The following PALLD variants were observed in gnomAD, a reference collection of about 807,000 sequenced individuals.
The protein encoded by PALLD is palladin, cytoskeletal associated protein, also known as palladin.
A neutral mutation model predicts 123.5 loss-of-function variants in PALLD; 61 were observed. That is an observed-to-expected ratio of 0.49 (90% CI 0.40 to 0.61). The LOEUF (loss-of-function observed/expected upper bound fraction) is 0.61. Ranked by LOEUF, PALLD falls within the 20% of genes least tolerant of loss-of-function variation. The pLI, the probability that PALLD is intolerant of heterozygous loss-of-function variation, is 0.00. For missense variants in PALLD, 1,273 were observed against 1,377.0 expected (o/e 0.92, Z 1.20); for synonymous variants, 465 against 496.4 (o/e 0.94, Z 0.84).
chr4:168,759,298 C>T (rs1252397675), intron 10 of PALLD, among the ~76,000 whole-genome samples: 1 of 143,438 alleles, frequency 7.0e-6, no homozygotes, highest in Non-Finnish European at 1.5e-5. Flanking sequence ...CCTTTCTCCA[C>T]TTTTCCAGTT....
At chr4:168,514,128 A>C (rs1230870385) in intron 2 of PALLD, among the ~76,000 whole-genome samples, 2 of 152,110 alleles carry the variant, frequency 1.3e-5, no homozygotes, top group Non-Finnish European at 2.9e-5. Flanking sequence ...GAAAAAAAAA[A>C]AGTTAACTGA....
At chr4:168,741,738 A>C (rs1440757917) in intron 10 of PALLD, among the ~76,000 whole-genome samples, 1 of 152,166 alleles carries the variant, frequency 6.6e-6, no homozygotes. Context: ...GAGAAAGAGG[A>C]AAATAAAAAG....
intron 2 of PALLD, among the ~76,000 whole-genome samples, chr4:168,647,411 T>C (rs962067321): frequency 2.0e-5 from 3 of 152,154 alleles, no homozygotes; most frequent in African/African-American, 7.2e-5. Context: ...AAAAGATGTT[T>C]CTAAGGCTGC....
chr4:168,611,055 T>A (rs1430773292), intron 2 of PALLD, among the ~76,000 whole-genome samples: 2 of 152,198 alleles, frequency 1.3e-5, no homozygotes, highest in African/African-American at 2.4e-5. Flanking sequence ...TGGAAGCAGA[T>A]CCTGGAAGCT....
At chr4:168,655,708 T>TA (rs1325081088) in intron 2 of PALLD, among the ~76,000 whole-genome samples, 3 of 152,230 alleles carry the variant, frequency 2.0e-5, no homozygotes, top group Non-Finnish European at 4.4e-5. Flanking sequence ...TCTCCTCCCA[T>TA]ATTCTTAGTC....
At chr4:168,819,027 G>A (rs76134937) in intron 10 of PALLD, among the ~76,000 whole-genome samples, 9,242 of 152,188 alleles carry the variant, frequency 0.061, 375 homozygotes, top group South Asian at 0.17. Context: ...AAAAAAAGAT[G>A]ATGATGAACA....
rs190401929 is a variant in PALLD, at chr4:168,507,499, C to G, written c.-82-3924C>G. ...CATTACAAGTGAGTTCAGTTTCTCA[C>G]TGAGCCTCAGAATATGAGGAATTCT... On this transcript the variant is annotated intron_variant, in intron 1 of 21. Coordinates refer to ENST00000505667, the MANE Select transcript of PALLD (RefSeq NM_001166108.2). 1.2e-4 allele frequency: 23 copies of G among 192,124 alleles called. No individual in the cohort carries two copies. The East Asian group carries it at 1.5e-3, about 12-fold the overall frequency. 11.9% of individuals were successfully genotyped at this position (192,124 alleles called of 1,614,324 possible).
intron 2 of PALLD, among the ~76,000 whole-genome samples, chr4:168,666,673 A>T (rs1310114507): frequency 6.6e-6 from 1 of 152,200 alleles, no homozygotes; most frequent in Non-Finnish European, 1.5e-5. Flanking sequence ...ACAGTGACAG[A>T]TCTGAAGTTT....
intron 10 of PALLD, among the ~76,000 whole-genome samples, chr4:168,774,095 A>T (rs1039389): frequency 0.31 from 46,574 of 150,036 alleles, 8,268 homozygotes; most frequent in East Asian, 0.55. Flanking sequence ...GATTAAAAAA[A>T]ATATATATAT....
chr4:168,585,749 A>G (rs935148571), intron 2 of PALLD, among the ~76,000 whole-genome samples: 10 of 152,194 alleles, frequency 6.6e-5, no homozygotes, highest in African/African-American at 2.4e-4. Context: ...TCCCCAGCCC[A>G]GGGTGGAACC....
chr4:168,607,046 C>T lies in PALLD; in HGVS notation c.909-61144C>T, dbSNP rs151244496. ...TTTGTATGTGTTTCACTAACCTATG[C>T]TAAGAACCTAAGATACAAAAGGCAC... On this transcript the variant is annotated intron_variant, in intron 2 of 21. Transcript: ENST00000505667. Among the ~76,000 whole-genome samples the T allele has an allele frequency of 1.6e-4, 25 of 152,214 alleles. No homozygotes were observed. In the East Asian group the frequency reaches 4.0e-3, roughly 25 times the overall value.
chr4:168,921,806 A>C, intron 18 of PALLD, 65 bp downstream of exon 18: 1 of 1,229,442 alleles, frequency 8.1e-7, no homozygotes, highest in African/African-American at 1.5e-5. Flanking sequence ...ATGTAAACTA[A>C]TTCTACATTA....
At chr4:168,830,205 T>C (rs4692672) in intron 10 of PALLD, among the ~76,000 whole-genome samples, 96,808 of 145,512 alleles carry the variant, frequency 0.67, 32,585 homozygotes, top group Non-Finnish European at 0.7. Context: ...GCACTCCAGC[T>C]TGGGTGACAG....
At chr4:168,708,501 A>G (rs1313483962) in intron 8 of PALLD, among the ~76,000 whole-genome samples, 2 of 152,152 alleles carry the variant, frequency 1.3e-5, no homozygotes, top group African/African-American at 4.8e-5. Context: ...GCCCTACAAC[A>G]CTGCCATGCC....
At chr4:168,802,836 A>G (rs1739553119) in intron 10 of PALLD, among the ~76,000 whole-genome samples, 1 of 152,126 alleles carries the variant, frequency 6.6e-6, no homozygotes, top group Admixed American at 6.5e-5. Flanking sequence ...GATTACAGGC[A>G]TGTGCCACCA....
At chr4:168,797,388 T>C (rs752818844) in intron 10 of PALLD, among the ~76,000 whole-genome samples, 3 of 152,048 alleles carry the variant, frequency 2.0e-5, no homozygotes, top group Non-Finnish European at 4.4e-5. Flanking sequence ...TCAAACAGTA[T>C]AAACAGAACT....
chr4:168,540,075 A>T (rs780431500), intron 2 of PALLD, among the ~76,000 whole-genome samples: 19 of 152,100 alleles, frequency 1.2e-4, no homozygotes, highest in Non-Finnish European at 2.5e-4. Context: ...CCTTAAAGGC[A>T]CCTGAAGCTG....
chr4:168,658,679 G>T (rs1338704618), intron 2 of PALLD, among the ~76,000 whole-genome samples: 2 of 151,372 alleles, frequency 1.3e-5, no homozygotes, highest in African/African-American at 4.9e-5. Context: ...AAAAAAAAAA[G>T]GCAAGATAAA....
At chr4:168,836,843 T>C (rs1745270987) in intron 10 of PALLD, among the ~76,000 whole-genome samples, 1 of 152,170 alleles carries the variant, frequency 6.6e-6, no homozygotes, top group African/African-American at 2.4e-5. Flanking sequence ...TCATATTTAG[T>C]GGTTTCCCAG....
Sources: gnomAD v4.1 joint callset for allele counts (sites outside exome capture counted in the v4.1 genomes callset) on GRCh38, gnomAD v4.1.1 for gene constraint, MANE v1.5 for transcripts, NCBI Gene and HGNC (gene_info 2026-07-23, HGNC 2026-07-21) for gene names.